The following NFATC3 variants were observed in gnomAD, a reference collection of about 807,000 sequenced individuals.
NFATC3 encodes nuclear factor of activated T-cells, cytoplasmic 3.
In NFATC3, 46 loss-of-function variants were observed where a neutral mutation model predicts 98.6. The ratio of observed to expected loss-of-function variants is 0.47; its 90% CI spans 0.37 to 0.60. NFATC3 has a LOEUF of 0.60. NFATC3 is among the 20% of genes least tolerant of loss of function. NFATC3 has a pLI of 0.00. For missense variants in NFATC3, 1,256 were observed against 1,295.5 expected, an observed-to-expected ratio of 0.97 and a Z score of 0.47; for synonymous variants, 512 against 472.2, an observed-to-expected ratio of 1.08 and a Z score of -1.09.
intron 5 of NFATC3, among the ~76,000 whole-genome samples, chr16:68,173,422 C>A (rs2039554572): frequency 1.3e-5 from 2 of 152,018 alleles, no homozygotes. Flanking sequence ...AAAAAATTAG[C>A]CGGGTATGGT....
chr16:68,137,676 C>T (rs7197138), intron 3 of NFATC3, among the ~76,000 whole-genome samples: 6,992 of 150,390 alleles, frequency 0.046, 520 homozygotes, highest in African/African-American at 0.16. Context: ...TGCAGTGGCT[C>T]GATCTCCGCT....
In NFATC3 at chr16:68,190,853, G is replaced by A. The variant is rs2040401780; in HGVS notation, c.2184G>A (p.Arg728=). The A allele has an allele frequency of 1.9e-6, 3 of 1,614,034 alleles. No individual in the cohort carries two copies. The African/African-American group carries it at 4.0e-5, about 22-fold the overall frequency. Residue 728 remains arginine, a synonymous_variant, in exon 9 of 10, where the codon AGG becomes AGA. Coordinates refer to ENST00000346183, the MANE Select transcript of NFATC3 (RefSeq NM_173165.3). ...TGCCTCATCCTGCTCAGACCCAGAGGCCTTCCTCTGATTCAGGGTGTTCAC... is the reference window on the plus strand; with the variant it reads ...TGCCTCATCCTGCTCAGACCCAGAGACCTTCCTCTGATTCAGGGTGTTCAC... ...LPVPHPAQTQ[R]PSSDSGCSHD... is the part of the protein sequence containing the mutation.
At chr16:68,145,567 C>A (rs1363013152) in intron 3 of NFATC3, among the ~76,000 whole-genome samples, 4 of 152,172 alleles carry the variant, frequency 2.6e-5, no homozygotes, top group Non-Finnish European at 4.4e-5. Flanking sequence ...ATACATGCAA[C>A]AACTTGGACA....
chr16:68,202,279 A>G (rs146056699), intron 9 of NFATC3, among the ~76,000 whole-genome samples: 2 of 152,214 alleles, frequency 1.3e-5, no homozygotes, highest in East Asian at 3.9e-4. Flanking sequence ...CAGCAGTAGT[A>G]AACAGGGACT....
At chr16:68,173,606 C>T (rs532003116) in intron 5 of NFATC3, among the ~76,000 whole-genome samples, 1 of 152,134 alleles carries the variant, frequency 6.6e-6, no homozygotes, top group African/African-American at 2.4e-5. Flanking sequence ...AAAAGAAAGG[C>T]TTACTTGGTG....
chr16:68,138,798 G>C (rs569982543), intron 3 of NFATC3: 49 of 1,257,000 alleles, frequency 3.9e-5, no homozygotes, highest in Non-Finnish European at 5.0e-5. Context: ...TTGGTGGTTA[G>C]TGTGCCTTCT....
chr16:68,166,517 TCAAA>T (rs1352132944), intron 4 of NFATC3, among the ~76,000 whole-genome samples: 1 of 152,166 alleles, frequency 6.6e-6, no homozygotes. Context: ...ACTCCATTTG[TCAAA>T]GCAAGTCATA....
At chr16:68,184,144 C>T (rs544336671) in intron 8 of NFATC3, among the ~76,000 whole-genome samples, 1 of 151,880 alleles carries the variant, frequency 6.6e-6, no homozygotes, top group East Asian at 1.9e-4. Context: ...AAATTAGTGA[C>T]TCTGAGGAGT....
At chr16:68,096,699 A>C (rs1317383521) in intron 1 of NFATC3, among the ~76,000 whole-genome samples, 2 of 152,180 alleles carry the variant, frequency 1.3e-5, no homozygotes, top group African/African-American at 4.8e-5. Context: ...CAGTGGGATG[A>C]GTTCACCAGG....
In NFATC3 at chr16:68,169,774, C is replaced by T. The variant is rs187997458; in HGVS notation, c.1774+2759C>T. On this transcript the variant is annotated intron_variant, in intron 5 of 9. Coordinates refer to ENST00000346183, the MANE Select transcript of NFATC3 (RefSeq NM_173165.3). ...TGGCCAACATGGTGAAACCCTGTCT[C>T]TGCGAAAAATACAAAAATTAGCTGG... Among the ~76,000 whole-genome samples the T allele has an allele frequency of 4.3e-3, 659 of 152,056 alleles. 2 individuals are homozygous for T. The highest frequency in any genetic ancestry group is 4.5e-3 in the Non-Finnish European group (304 of 67,998).
intron 1 of NFATC3, among the ~76,000 whole-genome samples, chr16:68,097,508 T>G (rs972267276): frequency 6.6e-6 from 1 of 152,208 alleles, no homozygotes; most frequent in African/African-American, 2.4e-5. Flanking sequence ...TTGATGATAG[T>G]TGAAGTCATG....
chr16:68,191,416 G>A lies in NFATC3; in HGVS notation c.2747G>A (p.Gly916Asp). The A allele has an allele frequency of 6.2e-7, 1 of 1,614,028 alleles. No homozygotes were observed. The highest frequency in any genetic ancestry group is 8.5e-7 in the Non-Finnish European group (1 of 1,180,020). Reference protein sequence around the residue: ...PSSQLQPITYGPSHSGSATTA... With the variant: ...PSSQLQPITYDPSHSGSATTA... ...TCTCAGTTACAACCTATTACATATG[G>A]TCCTTCACATTCAGGGTCTGCTACA... Residue 916 changes from glycine (G) to aspartate (D), a missense_variant, in exon 9 of 10, where the codon GGT becomes GAT. Physicochemically the swap from Gly to Asp is moderately conservative, Grantham distance 94 (BLOSUM62 -1). Around this residue, in one of 3 missense-constraint regions of NFATC3, gnomAD observed 636 missense variants for 617.3 expected, o/e 1.03. Coordinates refer to ENST00000346183, the MANE Select transcript of NFATC3 (RefSeq NM_173165.3).
At chr16:68,105,812 G>T (rs2035622524) in intron 1 of NFATC3, among the ~76,000 whole-genome samples, 1 of 152,054 alleles carries the variant, frequency 6.6e-6, no homozygotes, top group African/African-American at 2.4e-5. Context: ...GGTAATCTCT[G>T]TATATCTAGG....
rs1388268800 is a variant in NFATC3 at position 68,228,542 on chromosome 16, C to G, written c.*2071C>G. The stretch of plus-strand genomic sequence containing the variant: ...TCTAAATACCTTGATGCCTGTAGCA[C>G]TAGAAATGCTTTCCTATTTAAAATA... On this transcript the variant is annotated 3_prime_UTR_variant, in exon 10 of 10. Transcript: ENST00000346183. 2 of 152,602 alleles carry G rather than the reference C, an allele frequency of 1.3e-5. No individual in the cohort carries two copies. Among genetic ancestry groups the G allele is most frequent in the African/African-American group, 4.8e-5 (2 of 41,442 alleles). 9.5% of individuals were successfully genotyped at this position (152,602 alleles called of 1,614,324 possible). A position where few individuals can be genotyped will look rare whatever the true frequency, so the allele number is the denominator to read the frequency against.
chr16:68,184,780 G>T (rs1317073604), intron 8 of NFATC3, among the ~76,000 whole-genome samples: 1 of 151,662 alleles, frequency 6.6e-6, no homozygotes, highest in Admixed American at 6.6e-5. Context: ...CTCCAGCCTG[G>T]GCAACAGAGC....
chr16:68,167,121 A>G, intron 5 of NFATC3, 106 bp downstream of exon 5: 2 of 1,177,612 alleles, frequency 1.7e-6, no homozygotes, highest in Middle Eastern at 4.1e-4. Context: ...GAGGCATACA[A>G]TCTGGGTTGC....
chr16:68,093,081 TCCA>T (rs137976506), intron 1 of NFATC3, among the ~76,000 whole-genome samples: 18,054 of 152,206 alleles, frequency 0.12, 1,206 homozygotes, highest in South Asian at 0.2. Context: ...TTCATTGTGC[TCCA>T]CCATTTTATA....
intron 1 of NFATC3, among the ~76,000 whole-genome samples, chr16:68,112,646 GTTTTTTTTTT>G (rs914607835): frequency 1.0e-5 from 1 of 97,644 alleles, no homozygotes; most frequent in East Asian, 3.0e-4. Context: ...TTTCTTTTTC[GTTTTTTTTTT>G]TTTTTTTTTT....
intron 3 of NFATC3, among the ~76,000 whole-genome samples, chr16:68,147,342 A>AT (rs907320215): frequency 6.6e-6 from 1 of 152,120 alleles, no homozygotes; most frequent in South Asian, 2.1e-4. Context: ...AATGCCTATA[A>AT]TTTTTTTGTT....
Sources: gnomAD v4.1 joint callset for allele counts (sites outside exome capture counted in the v4.1 genomes callset) on GRCh38, gnomAD v4.1.1 for gene constraint, gnomAD v4.1.1 regional missense constraint, MANE v1.5 for transcripts, NCBI Gene and HGNC (gene_info 2026-07-23, HGNC 2026-07-21) for gene names.